Variants in TPRG1 observed in about 807,000 individuals in gnomAD.
TPRG1 encodes the protein tumor protein p63 regulated 1, also known as tumor protein p63-regulated gene 1 protein.
A neutral mutation model predicts 29.3 loss-of-function variants in TPRG1; 29 were observed. That is an observed-to-expected ratio of 0.99 (90% CI 0.74 to 1.35). The LOEUF (loss-of-function observed/expected upper bound fraction) is 1.35. Ranked by LOEUF, TPRG1 falls within the 40% of genes most tolerant of loss-of-function variation. The pLI is 0.00. For missense variants in TPRG1, 327 were observed against 335.0 expected (o/e 0.98, Z 0.19); for synonymous variants, 130 against 116.8 (o/e 1.11, Z -0.73).
intron 3 of TPRG1, among the ~76,000 whole-genome samples, chr3:189,226,788 C>CA (rs1737795497): frequency 9.2e-6 from 1 of 109,246 alleles, no homozygotes; most frequent in African/African-American, 3.5e-5. Context: ...AAGCATCTAG[C>CA]AAGGCTGACA....
intron 3 of TPRG1, among the ~76,000 whole-genome samples, chr3:189,144,809 C>G (rs1725028075): frequency 6.6e-6 from 1 of 152,178 alleles, no homozygotes; most frequent in South Asian, 2.1e-4. Context: ...ACTGGTAAAT[C>G]AGCAGGATGA....
chr3:189,047,454 G>A (rs1376258513), intron 4 of TPRG1, among the ~76,000 whole-genome samples: 3 of 152,198 alleles, frequency 2.0e-5, no homozygotes, highest in Non-Finnish European at 2.9e-5. Flanking sequence ...GGAGGGTCTT[G>A]TCTGTATGTT....
chr3:189,315,173 A>G (rs559919746), intron 5 of TPRG1, among the ~76,000 whole-genome samples: 1 of 152,202 alleles, frequency 6.6e-6, no homozygotes, highest in South Asian at 2.1e-4. Flanking sequence ...AAAAAAAATG[A>G]GGACAGTTAT....
At chr3:189,233,901 C>A (rs1739054594) in intron 3 of TPRG1, among the ~76,000 whole-genome samples, 1 of 152,118 alleles carries the variant, frequency 6.6e-6, no homozygotes, top group East Asian at 1.9e-4. Flanking sequence ...GACAGGGTCT[C>A]ATTTTGTACC....
intron 4 of TPRG1, among the ~76,000 whole-genome samples, chr3:189,094,099 C>A (rs1043021385): frequency 6.6e-6 from 1 of 152,136 alleles, no homozygotes. Context: ...AAGCTCGAAC[C>A]CTGGGACACA....
At chr3:189,170,192 A>G (rs561710771), upstream of TPRG1, among the ~76,000 whole-genome samples, 3 of 152,228 alleles carry the variant, frequency 2.0e-5, no homozygotes, top group South Asian at 6.2e-4. Context: ...AGACATTTGG[A>G]GCTGAGTGGG....
At position 189,312,103 on chromosome 3, in the gene TPRG1, T is replaced by C. The variant is rs1173887943; in HGVS notation, c.633+1564T>C. Among the ~76,000 whole-genome samples, 115 of 69,420 alleles carry C rather than the reference T, an allele frequency of 1.7e-3. 9 individuals are homozygous for C. The highest frequency in any genetic ancestry group is 2.3e-3 in the South Asian group (6 of 2,558). The allele number at this position is 69,420 out of a possible 152,430, so 45.5% of individuals were successfully genotyped here. A position where few individuals can be genotyped will look rare whatever the true frequency, so the allele number is the denominator to read the frequency against. Reference sequence around the variant, plus strand: ...TATGTTTCTTTCTTTCTTTGTTTCTTTGTTTCTTTCTTTGTTTCTTTCTTT... The same window carrying C: ...TATGTTTCTTTCTTTCTTTGTTTCTCTGTTTCTTTCTTTGTTTCTTTCTTT... On this transcript the variant is annotated intron_variant, in intron 5 of 5. Transcript: ENST00000345063.
At chr3:189,146,590 C>T (rs568286097) in intron 3 of TPRG1, among the ~76,000 whole-genome samples, 2 of 152,308 alleles carry the variant, frequency 1.3e-5, no homozygotes, top group South Asian at 2.1e-4. Context: ...CATGTTAGAG[C>T]ACTGATCCCC....
chr3:189,036,827 ATAC>A (rs754120601), intron 4 of TPRG1, among the ~76,000 whole-genome samples: 6 of 151,928 alleles, frequency 3.9e-5, no homozygotes, highest in Non-Finnish European at 5.9e-5. Context: ...AAGACAGTAA[ATAC>A]TATTAATGAG....
chr3:189,067,709 C>G (rs1374640689), intron 4 of TPRG1, among the ~76,000 whole-genome samples: 1 of 152,214 alleles, frequency 6.6e-6, no homozygotes, highest in East Asian at 1.9e-4. Context: ...AGACCTCAAG[C>G]TATGAAACTA....
chr3:189,187,485 T>A (rs1026439491), intron 1 of TPRG1, among the ~76,000 whole-genome samples: 76 of 151,976 alleles, frequency 5.0e-4, no homozygotes, highest in South Asian at 1.2e-3. Flanking sequence ...TTTATTTTTT[T>A]TTTTTGTATT....
intron 3 of TPRG1, among the ~76,000 whole-genome samples, chr3:189,013,353 T>A (rs1185253940): frequency 6.6e-6 from 1 of 152,176 alleles, no homozygotes; most frequent in South Asian, 2.1e-4. Context: ...TAATCTTGAG[T>A]TCTAATTTGA....
chr3:189,198,887 C>T (rs997835242), intron 1 of TPRG1, among the ~76,000 whole-genome samples: 20 of 152,312 alleles, frequency 1.3e-4, no homozygotes, highest in Admixed American at 1.2e-3. Context: ...CTCAAGGGAT[C>T]TGTAATCTCA....
chr3:189,109,461 C>T (rs949149639), intron 1 of TPRG1, among the ~76,000 whole-genome samples: 2 of 152,096 alleles, frequency 1.3e-5, no homozygotes, highest in African/African-American at 2.4e-5. Flanking sequence ...ACCTCTGCTC[C>T]CACCTTGCTA....
At chr3:189,099,447 C>G (rs147008273), upstream of TPRG1, among the ~76,000 whole-genome samples, 11 of 152,072 alleles carry the variant, frequency 7.2e-5, no homozygotes, top group East Asian at 2.1e-3. Context: ...TGAGAGTGGG[C>G]AAGGGAGGAT....
At chr3:189,262,135 T>C (rs1713173456) in intron 4 of TPRG1, among the ~76,000 whole-genome samples, 1 of 152,006 alleles carries the variant, frequency 6.6e-6, no homozygotes, top group Non-Finnish European at 1.5e-5. Context: ...ATAGTAGAGT[T>C]GGGAAATTCT....
intron 1 of TPRG1, among the ~76,000 whole-genome samples, chr3:189,199,368 T>A (rs578060644): frequency 6.6e-6 from 1 of 152,362 alleles, no homozygotes; most frequent in South Asian, 2.1e-4. Flanking sequence ...TCAAATCTTG[T>A]AGACTCGTTG....
intron 4 of TPRG1, among the ~76,000 whole-genome samples, chr3:189,289,602 G>A (rs561308068): frequency 6.6e-6 from 1 of 152,252 alleles, no homozygotes; most frequent in Non-Finnish European, 1.5e-5. Flanking sequence ...TGGGGATGAT[G>A]ATAGTTTTTA....
chr3:189,017,320 C>G, intron 3 of TPRG1, among the ~76,000 whole-genome samples: 1 of 151,958 alleles, frequency 6.6e-6, no homozygotes, highest in Admixed American at 6.6e-5. Flanking sequence ...TGCTGGTGCA[C>G]TGCCCCCACT....
Sources: gnomAD v4.1 joint callset for allele counts (sites outside exome capture counted in the v4.1 genomes callset) on GRCh38, gnomAD v4.1.1 for gene constraint, MANE v1.5 for transcripts, NCBI Gene and HGNC (gene_info 2026-07-23, HGNC 2026-07-21) for gene names.